Variants in MKNK1 observed in about 807,000 individuals in gnomAD.
The protein encoded by MKNK1 is MAP kinase-interacting serine/threonine-protein kinase 1.
In MKNK1, 30 loss-of-function variants were observed where a neutral mutation model predicts 49.3. The ratio of observed to expected loss-of-function variants is 0.61; its 90% CI spans 0.46 to 0.83. MKNK1 has a LOEUF of 0.83. Ranked by LOEUF, MKNK1 falls within the 40% of genes least tolerant of loss-of-function variation. The probability of loss-of-function intolerance (pLI) is 0.00; values close to 1 mark genes in which losing one functional copy is unlikely to be tolerated. For missense variants in MKNK1, 423 were observed against 524.7 expected, an observed-to-expected ratio of 0.81 and a Z score of 1.89; for synonymous variants, 176 against 201.7, an observed-to-expected ratio of 0.87 and a Z score of 1.08.
Position 46,564,625 on chromosome 1 carries a change from C to T in MKNK1, c.609+416G>A, listed in dbSNP as rs573716141. On this transcript the variant is annotated intron_variant, in intron 9 of 12. Transcript: ENST00000371945. ...CCAAGTAGCTGGGATTACAGGTGCG[C>T]GCCACCATGCCTGGCTAATTTTGTA... Among the ~76,000 whole-genome samples, 42 of 151,760 alleles carry T rather than the reference C, an allele frequency of 2.8e-4. No individual in the cohort carries two copies. In the East Asian group the frequency reaches 3.7e-3, roughly 13 times the overall value.
At chr1:46,560,150 A>C in intron 12 of MKNK1, 84 bp downstream of exon 12, 2 of 1,494,812 alleles carry the variant, frequency 1.3e-6, no homozygotes, top group Non-Finnish European at 1.9e-6. Context: ...ACCTGAGCCT[A>C]GAGATGGGCT....
chr1:46,563,017 C>T, intron 9 of MKNK1, 174 bp from the exon 10 acceptor site: 3 of 566,154 alleles, frequency 5.3e-6, no homozygotes, highest in East Asian at 3.2e-5. Context: ...AAGGCATCTG[C>T]AGACTGAGCT....
At chr1:46,590,138 G>T (rs919822335) in intron 2 of MKNK1, among the ~76,000 whole-genome samples, 5 of 152,168 alleles carry the variant, frequency 3.3e-5, no homozygotes, top group African/African-American at 1.2e-4. Context: ...TGCCTTCTCG[G>T]GCATCAGCTA....
intron 10 of MKNK1, among the ~76,000 whole-genome samples, chr1:46,562,166 C>A (rs1288706346): frequency 1.3e-5 from 2 of 151,942 alleles, no homozygotes; most frequent in Non-Finnish European, 2.9e-5. Flanking sequence ...GAGGCCGAGG[C>A]GGGAGGATCA....
intron 8 of MKNK1, among the ~76,000 whole-genome samples, chr1:46,567,489 T>C (rs1225066471): frequency 6.6e-6 from 1 of 152,232 alleles, no homozygotes; most frequent in Non-Finnish European, 1.5e-5. Context: ...TTCACTGTAA[T>C]TATTAGTAGT....
At chr1:46,559,013 G>A (rs142064881) in intron 12 of MKNK1, among the ~76,000 whole-genome samples, 104 of 152,274 alleles carry the variant, frequency 6.8e-4, no homozygotes, top group African/African-American at 2.4e-3. Context: ...ACCATCCCTG[G>A]ACTTGATGGT....
At chr1:46,565,697 C>T (rs1001008922) in intron 8 of MKNK1, among the ~76,000 whole-genome samples, 1 of 152,320 alleles carries the variant, frequency 6.6e-6, no homozygotes, top group African/African-American at 2.4e-5. Flanking sequence ...TAACCAAGTC[C>T]ACCAGAACTG....
chr1:46,596,750 T>A (rs745356342), intron 1 of MKNK1, among the ~76,000 whole-genome samples: 47 of 152,200 alleles, frequency 3.1e-4, no homozygotes, highest in Non-Finnish European at 5.7e-4. Context: ...TGGCATACAG[T>A]AGGCACTCAA....
chr1:46,564,466 GTTTTTTTTTTTTTTTTTTT>G (rs568296534), intron 9 of MKNK1, among the ~76,000 whole-genome samples: 1 of 70,184 alleles, frequency 1.4e-5, no homozygotes, highest in Admixed American at 2.0e-4. Context: ...TTTTTTTATT[GTTTTTTTTTTTTTTTTTTT>G]TTTTTTTTGA....
intron 7 of MKNK1, chr1:46,568,714 A>G: frequency 1.8e-6 from 1 of 562,440 alleles, no homozygotes; most frequent in Non-Finnish European, 3.2e-6. Context: ...AGGCTTTAGA[A>G]GTCTGGCAGG....
chr1:46,559,212 G>C (rs1409390384), intron 12 of MKNK1, among the ~76,000 whole-genome samples: 1 of 152,228 alleles, frequency 6.6e-6, no homozygotes, highest in Non-Finnish European at 1.5e-5. Context: ...ACCTAGCTCA[G>C]GGCTAGCGTG....
At chr1:46,597,668 G>A (rs561969464) in intron 1 of MKNK1, among the ~76,000 whole-genome samples, 38 of 152,290 alleles carry the variant, frequency 2.5e-4, no homozygotes, top group African/African-American at 8.7e-4. Flanking sequence ...ATTTTATTAC[G>A]CATCTTCCCC....
chr1:46,560,640 T>C (rs1473604911), intron 11 of MKNK1, among the ~76,000 whole-genome samples: 2 of 152,262 alleles, frequency 1.3e-5, no homozygotes, highest in African/African-American at 4.8e-5. Flanking sequence ...TTGCTCCCTT[T>C]GTGCCCCTAG....
In MKNK1 at chr1:46,583,067, C is replaced by T. The variant is rs532972523; in HGVS notation, c.100+161G>A. 24 of 708,604 alleles carry T rather than the reference C, an allele frequency of 3.4e-5. 1 individual carries two copies. The highest frequency in any genetic ancestry group is 3.1e-4 in the South Asian group (20 of 65,000). The allele number at this position is 708,604 out of a possible 1,614,324, so 43.9% of individuals were successfully genotyped here. A position where few individuals can be genotyped will look rare whatever the true frequency, so the allele number is the denominator to read the frequency against. The stretch of plus-strand genomic sequence containing the variant: ...ATCCCTGCTCTCTTTCTGTAATGCC[C>T]TGTGTAAACTCCCTCATCCCCATCT... On this transcript the variant is annotated intron_variant, in intron 3 of 12. Transcript: ENST00000371945.
In MKNK1 at chr1:46,565,309, A is replaced by C. The variant is rs1028710846; in HGVS notation, c.514-173T>G. 4.7e-6 allele frequency: 3 copies of C among 632,812 alleles called. No individual in the cohort carries two copies. The African/African-American group carries it at 5.5e-5, about 12-fold the overall frequency. 39.2% of individuals were successfully genotyped at this position (632,812 alleles called of 1,614,324 possible). On this transcript the variant is annotated intron_variant, in intron 8 of 12. Coordinates refer to ENST00000371945, the MANE Select transcript of MKNK1 (RefSeq NM_001135553.4). ...GAAGTCCCCTGAGGATTTCTTCCCA[A>C]GTGTCTTATTCCCTGAGCTCTCTTA...
At chr1:46,566,999 G>T (rs572852930) in intron 8 of MKNK1, among the ~76,000 whole-genome samples, 42 of 152,156 alleles carry the variant, frequency 2.8e-4, no homozygotes, top group African/African-American at 9.6e-4. Context: ...AAGAGACAGG[G>T]GTCTCACTAT....
intron 1 of MKNK1, among the ~76,000 whole-genome samples, chr1:46,594,684 G>A (rs1228513173): frequency 1.3e-5 from 2 of 152,184 alleles, no homozygotes; most frequent in East Asian, 1.9e-4. Context: ...CTGCTCTGAG[G>A]AGTCTCAGGC....
At chr1:46,568,679 G>A (rs1669533542) in intron 7 of MKNK1, 181 bp from the exon 8 acceptor site, 1 of 614,024 alleles carries the variant, frequency 1.6e-6, no homozygotes, top group African/African-American at 1.9e-5. Context: ...AAGCACAGTT[G>A]ATTCTGCGGG....
rs1570061881 is a variant in MKNK1, at chr1:46,565,208, T to C, written c.514-72A>G. 10 of 1,363,882 alleles carry C rather than the reference T, an allele frequency of 7.3e-6. No individual in the cohort carries two copies. In the East Asian group the frequency reaches 2.3e-4, roughly 31 times the overall value. 84.5% of individuals were successfully genotyped at this position (1,363,882 alleles called of 1,614,324 possible). ...GGGCAAGAGGAGCCAGGCATGGCTG[T>C]ACGGGTGCATGGCTCCGTGGCTGTC... On this transcript the variant is annotated intron_variant, in intron 8 of 12. Transcript: ENST00000371945.
Sources: allele counts gnomAD v4.1 joint callset (sites outside exome capture counted in the v4.1 genomes callset), GRCh38; gene constraint gnomAD v4.1.1; transcripts MANE v1.5; gene names NCBI Gene and HGNC (gene_info 2026-07-23, HGNC 2026-07-21).